The following SMARCA4 variants were observed in gnomAD, a reference collection of about 807,000 sequenced individuals.
SMARCA4 encodes SWI/SNF-related matrix-associated actin-dependent regulator of chromatin subfamily A member 4.
Under a neutral mutation model 193.9 loss-of-function variants are expected in SMARCA4, and 31 were observed. That is an observed-to-expected ratio of 0.16 (90% CI 0.12 to 0.22). SMARCA4 has a LOEUF of 0.22. Among genes scored for constraint, SMARCA4 ranks in the 10% least tolerant of loss-of-function variants. SMARCA4 has a pLI of 1.00. For synonymous variants in SMARCA4, 942 were observed against 933.1 expected (o/e 1.01, Z -0.17); for missense variants, 1,148 against 2,296.0 (o/e 0.50, Z 10.22).
rs2145807896 is a variant in SMARCA4 at position 10,987,503 on chromosome 19, T to C, written c.860-163T>C. Among the ~76,000 whole-genome samples the C allele has an allele frequency of 6.6e-6, 1 of 151,708 alleles. No individual in the cohort carries two copies. Among genetic ancestry groups the C allele is most frequent in the Non-Finnish European group, 1.5e-5 (1 of 67,830 alleles). On this transcript the variant is annotated intron_variant, in intron 5 of 34. Transcript: ENST00000344626. The surrounding 1 kb of genome is among the most constrained non-coding windows in gnomAD (Gnocchi z 5.3). ...GGGTGAGGCTGAGATCTGGAGGAGG[T>C]TGGAGCCCAAGGCAGGTGTGAAGGA...
At chr19:11,054,450 C>T (rs1400322934) in intron 30 of SMARCA4, among the ~76,000 whole-genome samples, 1 of 152,236 alleles carries the variant, frequency 6.6e-6, no homozygotes, top group Non-Finnish European at 1.5e-5. Context: ...GGCCCAGGAT[C>T]ATCCCTGGGG....
intron 30 of SMARCA4, among the ~76,000 whole-genome samples, chr19:11,043,112 G>A (rs1285528484): frequency 2.0e-5 from 3 of 152,050 alleles, no homozygotes; most frequent in South Asian, 2.1e-4. Flanking sequence ...CCAATATGGC[G>A]AAACCCCCTC....
chr19:10,974,710 T>A (rs1166916273), intron 1 of SMARCA4, among the ~76,000 whole-genome samples: 3 of 106,034 alleles, frequency 2.8e-5, no homozygotes, highest in African/African-American at 7.5e-5. Flanking sequence ...TTTTTTTTTT[T>A]TTTTTTTTTT....
rs1030110601 is a variant in SMARCA4, at chr19:11,026,077, T to C, written c.3169-223T>C. Among the ~76,000 whole-genome samples, 9 of 152,282 alleles carry C rather than the reference T, an allele frequency of 5.9e-5. No individual in the cohort carries two copies. In the South Asian group the frequency reaches 8.3e-4, roughly 14 times the overall value. On this transcript the variant is annotated intron_variant, in intron 22 of 34. Coordinates refer to ENST00000344626, the MANE Select transcript of SMARCA4 (RefSeq NM_003072.5). ...CATTCAGGGTGTGAAGAGTGCTGTA[T>C]GGGATGTCCTTTCCTTCGTTGGAGG...
chr19:10,972,873 GGCCA>G (rs1173703993), intron 1 of SMARCA4, among the ~76,000 whole-genome samples: 1 of 152,178 alleles, frequency 6.6e-6, no homozygotes, highest in Non-Finnish European at 1.5e-5. Context: ...CACTTTGGGA[GGCCA>G]AAGTGGACGG....
rs560665869 is a variant in SMARCA4, at chr19:10,974,616, C to T, written c.-31-9505C>T. 5.1e-3 allele frequency among the ~76,000 whole-genome samples: 652 copies of T among 128,156 alleles called. 3 individuals are homozygous for T. Among genetic ancestry groups the T allele is most frequent in the African/African-American group, 0.018 (617 of 33,822 alleles). 84.1% of individuals were successfully genotyped at this position (128,156 alleles called of 152,430 possible). On this transcript the variant is annotated intron_variant, in intron 1 of 34. Transcript: ENST00000344626. ...AGAGAGCTACTGGCTGTGCTGACAG[C>T]GGTTTGTGCATGTTTTCTTTGGGGT...
At chr19:10,962,925 T>C (rs1173026871) in intron 1 of SMARCA4, among the ~76,000 whole-genome samples, 1 of 152,090 alleles carries the variant, frequency 6.6e-6, no homozygotes, top group Non-Finnish European at 1.5e-5. Context: ...TCCTTTCCGG[T>C]GTAGCTGTCA....
Position 10,985,532 on chromosome 19 carries a change from C to A in SMARCA4, c.355+127C>A. The A allele has an allele frequency of 1.7e-6, 2 of 1,175,922 alleles. No homozygotes were observed. The highest frequency in any genetic ancestry group is 2.4e-6 in the Non-Finnish European group (2 of 819,694). The allele number at this position is 1,175,922 out of a possible 1,614,324, so 72.8% of individuals were successfully genotyped here. A position where few individuals can be genotyped will look rare whatever the true frequency, so the allele number is the denominator to read the frequency against. The stretch of plus-strand genomic sequence containing the variant: ...TAGGATGATGTAGCCGGGTGGGTGG[C>A]CCGCCACAGAGAGCTGTCTGGCATG... On this transcript the variant is annotated intron_variant, in intron 3 of 34. Transcript: ENST00000344626. This position sits in a 1 kb window ranked among gnomAD's most constrained non-coding sequence, Gnocchi z 4.5.
intron 16 of SMARCA4, among the ~76,000 whole-genome samples, chr19:11,013,569 C>G (rs2089064695): frequency 6.6e-6 from 1 of 152,144 alleles, no homozygotes; most frequent in Non-Finnish European, 1.5e-5. Context: ...GGTCCCGGAT[C>G]AAGTGGGGGC....
intron 1 of SMARCA4, among the ~76,000 whole-genome samples, chr19:10,979,412 CTTT>C (rs778610991): frequency 7.3e-5 from 10 of 137,774 alleles, no homozygotes; most frequent in Non-Finnish European, 1.3e-4. Context: ...GTGTGATTGT[CTTT>C]TTTTTTTTTT....
At chr19:11,014,895 C>T (rs1292705276) in intron 16 of SMARCA4, among the ~76,000 whole-genome samples, 2 of 151,958 alleles carry the variant, frequency 1.3e-5, no homozygotes, top group Non-Finnish European at 1.5e-5. Flanking sequence ...TCACTGCAAC[C>T]TCTGCCTCCT....
intron 11 of SMARCA4, among the ~76,000 whole-genome samples, chr19:11,000,993 T>A (rs1201178328): frequency 6.6e-6 from 1 of 152,082 alleles, no homozygotes; most frequent in African/African-American, 2.4e-5. Flanking sequence ...TGGGTTTTCT[T>A]GTTCTCGGAC....
rs2146362492 is a variant in SMARCA4 at position 11,019,047 on chromosome 19, C to T, written c.2505+24C>T. 6.3e-7 allele frequency: 1 copy of T among 1,594,996 alleles called. No homozygotes were observed. On this transcript the variant is annotated intron_variant, in intron 17 of 34. Transcript: ENST00000344626. This position sits in a 1 kb window ranked among gnomAD's most constrained non-coding sequence, Gnocchi z 6.1. ...AGGTAGGTCACAGCCACTGAGGTTTCCTCTCTTGCTACGGAGGTGCAGGCG... is the reference window on the plus strand; with the variant it reads ...AGGTAGGTCACAGCCACTGAGGTTTTCTCTCTTGCTACGGAGGTGCAGGCG...
intron 14 of SMARCA4, chr19:11,008,241 G>A (rs756945339): frequency 8.9e-5 from 45 of 507,550 alleles, no homozygotes; most frequent in Admixed American, 2.4e-4. Context: ...ATATGCTTAC[G>A]AGGTACAGTC....
intron 1 of SMARCA4, among the ~76,000 whole-genome samples, chr19:10,966,496 G>A (rs74348408): frequency 1.6e-3 from 243 of 152,176 alleles, no homozygotes; most frequent in Non-Finnish European, 2.6e-3. Context: ...GGAGGTTGAC[G>A]TGGGAGGATC....
chr19:10,982,079 C>A (rs948452137), intron 1 of SMARCA4, among the ~76,000 whole-genome samples: 3 of 152,166 alleles, frequency 2.0e-5, no homozygotes, highest in Non-Finnish European at 4.4e-5. Context: ...TGGCTCACAC[C>A]TGTAATCCCA....
At chr19:10,974,690 T>TAA (rs1491522292) in intron 1 of SMARCA4, among the ~76,000 whole-genome samples, 1 of 18,580 alleles carries the variant, frequency 5.4e-5, no homozygotes, top group Non-Finnish European at 8.5e-5. Flanking sequence ...TATATATATA[T>TAA]TTTTTTTTTT....
intron 11 of SMARCA4, among the ~76,000 whole-genome samples, chr19:11,000,805 G>C (rs1265244367): frequency 6.6e-6 from 1 of 150,630 alleles, no homozygotes; most frequent in East Asian, 2.0e-4. Flanking sequence ...TTAAACCCGG[G>C]AGGCGGATCA....
At chr19:11,052,162 A>T (rs2076297919) in intron 30 of SMARCA4, among the ~76,000 whole-genome samples, 1 of 152,176 alleles carries the variant, frequency 6.6e-6, no homozygotes, top group African/African-American at 2.4e-5. Context: ...AAAGCAGCTT[A>T]AAAAAAGGAA....
Sources: gnomAD v4.1 joint callset for allele counts (sites outside exome capture counted in the v4.1 genomes callset) on GRCh38, gnomAD v4.1.1 for gene constraint, Gnocchi (gnomAD v3.1) non-coding constraint, MANE v1.5 for transcripts, NCBI Gene and HGNC (gene_info 2026-07-23, HGNC 2026-07-21) for gene names.